The following ZDHHC16 variants were observed in gnomAD, a reference collection of about 807,000 sequenced individuals.
ZDHHC16 encodes zDHHC palmitoyltransferase 16, also known as palmitoyltransferase ZDHHC16.
In ZDHHC16, 33 loss-of-function variants were observed where a neutral mutation model predicts 54.4. That is an observed-to-expected ratio of 0.61 (90% CI 0.46 to 0.81). The LOEUF is 0.81. Among genes scored for constraint, ZDHHC16 ranks in the 30% least tolerant of loss-of-function variants. The pLI, the probability that ZDHHC16 is intolerant of heterozygous loss-of-function variation, is 0.00. For synonymous variants in ZDHHC16, 185 were observed against 182.1 expected (o/e 1.02, Z -0.13); for missense variants, 420 against 485.9 (o/e 0.86, Z 1.28).
At chr10:97,448,785 G>T (rs1357797101) in intron 1 of ZDHHC16, among the ~76,000 whole-genome samples, 1 of 152,096 alleles carries the variant, frequency 6.6e-6, no homozygotes, top group African/African-American at 2.4e-5. Context: ...GTGTTTATGT[G>T]TAGCATTTAC....
At position 97,453,677 on chromosome 10, in the gene ZDHHC16, G is replaced by C. The variant is rs770517542; in HGVS notation, c.690+14G>C. On this transcript the variant is annotated intron_variant, in intron 7 of 11. Coordinates refer to ENST00000393760, the MANE Select transcript of ZDHHC16 (RefSeq NM_198046.3). Reference sequence around the variant, plus strand: ...GCTGCCATTGAGGTGAGCTCATCAGGAACAGGGCAGCTCAGTAGTGCAGAA... The same window carrying C: ...GCTGCCATTGAGGTGAGCTCATCAGCAACAGGGCAGCTCAGTAGTGCAGAA... 35 of 1,614,094 alleles carry C rather than the reference G, an allele frequency of 2.2e-5. No individual in the cohort carries two copies. In the South Asian group the frequency reaches 3.3e-4, roughly 15 times the overall value.
In ZDHHC16 at chr10:97,456,024, C is replaced by G. The variant is rs781400650; in HGVS notation, c.999C>G (p.Phe333Leu). Reference sequence around the variant, plus strand: ...GCTGCTTGGACAACTGGAAGGTATTCCTGGGTGTGGATACAGGAAGGTAAT... The same window carrying G: ...GCTGCTTGGACAACTGGAAGGTATTGCTGGGTGTGGATACAGGAAGGTAAT... ...NYGCLDNWKV[F>L]LGVDTGRHWL... Residue 333 changes from phenylalanine (F) to leucine (L), a missense_variant, in exon 11 of 12, where the codon TTC becomes TTG. Coordinates refer to ENST00000393760, the MANE Select transcript of ZDHHC16 (RefSeq NM_198046.3). 4.3e-6 allele frequency: 7 copies of G among 1,614,140 alleles called. No individual in the cohort carries two copies. The South Asian group carries it at 7.7e-5, about 18-fold the overall frequency.
rs1026318197 is a variant in ZDHHC16 at position 97,452,116 on chromosome 10, G to C, written c.270G>C (p.Leu90=). 3.5e-5 allele frequency: 56 copies of C among 1,613,818 alleles called. No individual in the cohort carries two copies. The highest frequency in any genetic ancestry group is 4.4e-5 in the Non-Finnish European group (52 of 1,180,050). ...GVVFVVLVIV[L]TGSIVAIAYL... ...TGTTCGTGGTCCTGGTGATCGTGCTGACAGGCTCCATTGTAGCTATCGCCT... is the reference window on the plus strand; with the variant it reads ...TGTTCGTGGTCCTGGTGATCGTGCTCACAGGCTCCATTGTAGCTATCGCCT... Residue 90 remains leucine, a synonymous_variant, in exon 4 of 12, where the codon CTG becomes CTC. Coordinates refer to ENST00000393760, the MANE Select transcript of ZDHHC16 (RefSeq NM_198046.3).
At chr10:97,448,848 ATACG>A (rs1218504034) in intron 1 of ZDHHC16, among the ~76,000 whole-genome samples, 1 of 152,212 alleles carries the variant, frequency 6.6e-6, no homozygotes, top group South Asian at 2.1e-4. Flanking sequence ...ATATGGGAAG[ATACG>A]TATAGGTTAT....
chr10:97,450,843 GC>G (rs1846543535), intron 2 of ZDHHC16: 2 of 140,194 alleles, frequency 1.4e-5, no homozygotes, highest in South Asian at 4.5e-4. Flanking sequence ...AGGACCCGAG[GC>G]CTTCATGAAT....
In ZDHHC16 at chr10:97,454,311, G is replaced by A. The variant is rs182498511; in HGVS notation, c.739-403G>A. Among the ~76,000 whole-genome samples the A allele has an allele frequency of 2.7e-3, 412 of 152,186 alleles. 2 individuals are homozygous for A. Among genetic ancestry groups the A allele is most frequent in the Non-Finnish European group, 5.0e-3 (338 of 68,028 alleles). On this transcript the variant is annotated intron_variant, in intron 8 of 11. Coordinates refer to ENST00000393760, the MANE Select transcript of ZDHHC16 (RefSeq NM_198046.3). The stretch of plus-strand genomic sequence containing the variant: ...TTCTGCTGCCCTTTCACAGTCCCTA[G>A]TGGAGCTCACAGTCCCTAGTGGTTT...
In ZDHHC16 at chr10:97,454,725, G is replaced by C. The variant is rs1287258353; in HGVS notation, c.750G>C (p.Gln250His). The C allele has an allele frequency of 1.2e-6, 2 of 1,614,018 alleles. No individual in the cohort carries two copies. Among genetic ancestry groups the C allele is most frequent in the African/African-American group, 2.7e-5 (2 of 74,916 alleles). The change falls in exon 9 of 12, where the codon CAG becomes CAC. Residue 250 changes from glutamine to histidine, a missense_variant. Physicochemically the swap from Gln to His is conservative, Grantham distance 24. Coordinates refer to ENST00000393760, the MANE Select transcript of ZDHHC16 (RefSeq NM_198046.3). ...TTTTCTTTTTCTAGACTTATCACCA[G>C]ACCCCACCACCCACCTTCTCCTTTC... ...LQAVANQTYH[Q>H]TPPPTFSFRE...
Position 97,452,228 on chromosome 10 carries a change from C to G in ZDHHC16, c.382C>G (p.Leu128Val). 1 of 1,614,144 alleles carries G rather than the reference C, an allele frequency of 6.2e-7. No individual in the cohort carries two copies. The highest frequency in any genetic ancestry group is 2.2e-5 in the East Asian group (1 of 44,876). The part of the protein sequence containing the change: ...HFFYSHWNLI[L>V]IVFHYYQAIT... ...CTTCTATAGCCACTGGAATCTGATC[C>G]TGATTGTCTTCCACTACTACCAGGC... Residue 128 changes from leucine (L) to valine (V), a missense_variant, in exon 4 of 12, where the codon CTG (leucine) becomes GTG (valine). Physicochemically the swap from Leu to Val is conservative, Grantham distance 32 (BLOSUM62 1). Transcript: ENST00000393760.
At chr10:97,451,297 AC>A (rs1206072862) in intron 2 of ZDHHC16, 1 of 206,202 alleles carries the variant, frequency 4.8e-6, no homozygotes, top group Non-Finnish European at 9.8e-6. Context: ...GCCACACTCC[AC>A]CCAAAAGTCT....
Position 97,454,815 on chromosome 10 carries a change from AGTTTT to A in ZDHHC16, c.824+17_824+21del, listed in dbSNP as rs775901093. 1 of 1,613,134 alleles carries A rather than the reference AGTTTT, an allele frequency of 6.2e-7. No homozygotes were observed. The highest frequency in any genetic ancestry group is 1.1e-5 in the South Asian group (1 of 90,978). Reference sequence around the variant, plus strand: ...TCCTGTGCAGGTATTTGTTTTTGATAGTTTTAAGGGAGGGGAAGCTTCAGAAAAAA... The same window carrying A: ...TCCTGTGCAGGTATTTGTTTTTGATAAAGGGAGGGGAAGCTTCAGAAAAAA... On this transcript the variant is annotated intron_variant, in intron 9 of 11. Transcript: ENST00000393760.
In ZDHHC16 at chr10:97,452,095, C is replaced by T. The variant is rs780205613; in HGVS notation, c.249C>T (p.Phe83=). The change falls in exon 4 of 12, where the codon TTC becomes TTT. Residue 83 remains phenylalanine (F), a synonymous_variant. Transcript: ENST00000393760. ...DNVIRWFGVV[F]VVLVIVLTGS... is the part of the protein sequence containing the mutation. ...GACCTTGCTGGTGTTGGCAGGTGTT[C>T]GTGGTCCTGGTGATCGTGCTGACAG... 29 of 1,613,624 alleles carry T rather than the reference C, an allele frequency of 1.8e-5. No individual in the cohort carries two copies. The highest frequency in any genetic ancestry group is 1.6e-4 in the Middle Eastern group (1 of 6,084).
intron 1 of ZDHHC16, among the ~76,000 whole-genome samples, chr10:97,449,326 G>C (rs1230774013): frequency 2.0e-5 from 3 of 151,512 alleles, no homozygotes; most frequent in African/African-American, 7.3e-5. Context: ...GCTACAAAAA[G>C]TATTTTGGCA....
chr10:97,455,553 TTAGG>T, intron 9 of ZDHHC16, 103 bp from the exon 10 acceptor site: 1 of 1,575,536 alleles, frequency 6.3e-7, no homozygotes, highest in Non-Finnish European at 8.7e-7. Flanking sequence ...TGAGGAAGAC[TTAGG>T]TAGAGAGGTT....
chr10:97,456,999 G>A lies in ZDHHC16; in HGVS notation c.*108G>A. On this transcript the variant is annotated 3_prime_UTR_variant, in exon 12 of 12. Transcript: ENST00000393760. ...AATCCTTGATCAAAAAGAGCCAGTG[G>A]GCCTGCCTTAGGGTACCATGCAGGA... 1.2e-6 allele frequency: 1 copy of A among 847,476 alleles called. No homozygotes were observed. 52.5% of individuals were successfully genotyped at this position (847,476 alleles called of 1,614,324 possible).
At chr10:97,453,994 TGTG>T in intron 8 of ZDHHC16, 148 bp downstream of exon 8, 2 of 1,099,002 alleles carry the variant, frequency 1.8e-6, no homozygotes, top group South Asian at 3.1e-5. Flanking sequence ...GCAGGCTGGC[TGTG>T]GTGGGTAGAC....
Position 97,457,000 on chromosome 10 carries a change from G to C in ZDHHC16, c.*109G>C. On this transcript the variant is annotated 3_prime_UTR_variant, in exon 12 of 12. Coordinates refer to ENST00000393760, the MANE Select transcript of ZDHHC16 (RefSeq NM_198046.3). The stretch of plus-strand genomic sequence containing the variant: ...ATCCTTGATCAAAAAGAGCCAGTGG[G>C]CCTGCCTTAGGGTACCATGCAGGAC... 3.7e-6 allele frequency: 3 copies of C among 820,860 alleles called. No individual in the cohort carries two copies. The highest frequency in any genetic ancestry group is 3.4e-5 in the African/African-American group (2 of 58,352). The allele number at this position is 820,860 out of a possible 1,614,324, so 50.8% of individuals were successfully genotyped here. A position where few individuals can be genotyped will look rare whatever the true frequency, so the allele number is the denominator to read the frequency against.
rs138925659 is a variant in ZDHHC16 at position 97,455,309 on chromosome 10, T to C, written c.825-351T>C. Among the ~76,000 whole-genome samples the C allele has an allele frequency of 1.6e-3, 242 of 152,338 alleles. 5 individuals carry two copies. The highest frequency in any genetic ancestry group is 5.5e-3 in the African/African-American group (229 of 41,574). On this transcript the variant is annotated intron_variant, in intron 9 of 11. Transcript: ENST00000393760. ...ATACAGACTTATTTCTCTATTCTCC[T>C]TTCCACATACTCTCTTTTCCCTTAA...
chr10:97,449,571 C>T (rs2133197069), intron 1 of ZDHHC16, among the ~76,000 whole-genome samples: 1 of 152,304 alleles, frequency 6.6e-6, no homozygotes, highest in South Asian at 2.1e-4. Flanking sequence ...CTCTGTCTCC[C>T]AGGCTGGAGT....
Position 97,451,287 on chromosome 10 carries a change from G to A in ZDHHC16, c.-5-384G>A, listed in dbSNP as rs1182939633. The A allele has an allele frequency of 5.5e-5, 11 of 199,468 alleles. No individual in the cohort carries two copies. In the East Asian group the frequency reaches 1.5e-3, roughly 27 times the overall value. The allele number at this position is 199,468 out of a possible 1,614,324, so 12.4% of individuals were successfully genotyped here. A position where few individuals can be genotyped will look rare whatever the true frequency, so the allele number is the denominator to read the frequency against. On this transcript the variant is annotated intron_variant, in intron 2 of 11. Transcript: ENST00000393760. ...ACAGTGGACAGCTTTGTCCATGTTG[G>A]CCACACTCCACCCAAAAGTCTGTCT...
Sources: gnomAD v4.1 joint callset for allele counts (sites outside exome capture counted in the v4.1 genomes callset) on GRCh38, gnomAD v4.1.1 for gene constraint, MANE v1.5 for transcripts, NCBI Gene and HGNC (gene_info 2026-07-23, HGNC 2026-07-21) for gene names.